The following TENM3 variants were observed in gnomAD, a reference collection of about 807,000 sequenced individuals.
TENM3 encodes the protein teneurin transmembrane protein 3.
Under a neutral mutation model 255.1 loss-of-function variants are expected in TENM3, and 63 were observed. The ratio of observed to expected loss-of-function variants is 0.25; its 90% CI spans 0.20 to 0.30. TENM3 has a LOEUF of 0.30. Among genes scored for constraint, TENM3 ranks in the 10% least tolerant of loss-of-function variants. The probability of loss-of-function intolerance (pLI) is 1.00; values close to 1 mark genes in which losing one functional copy is unlikely to be tolerated. For missense variants in TENM3, 2,929 were observed against 3,461.1 expected, an observed-to-expected ratio of 0.85 and a Z score of 3.86; for synonymous variants, 1,306 against 1,322.3, an observed-to-expected ratio of 0.99 and a Z score of 0.27.
In TENM3 at chr4:182,380,315, G is replaced by C. The variant is rs559404676; in HGVS notation, c.511+33386G>C. On this transcript the variant is annotated intron_variant, in intron 3 of 27. Coordinates refer to ENST00000511685, the MANE Select transcript of TENM3 (RefSeq NM_001080477.4). ...ACAAAAACAAAAAAGAACTAGTGCA[G>C]CCATTCCCCTAAGAGCTAGTTAAGC... is the stretch of plus-strand genomic sequence containing the variant. 2.6e-5 allele frequency among the ~76,000 whole-genome samples: 4 copies of C among 152,130 alleles called. No individual in the cohort carries two copies. In the East Asian group the frequency reaches 7.8e-4, roughly 29 times the overall value.
At chr4:181,537,011 A>G in the TENM3 span, among the ~76,000 whole-genome samples, 3 of 152,194 alleles carry the variant, frequency 2.0e-5, no homozygotes, top group Non-Finnish European at 4.4e-5. Flanking sequence ...ATAAAGTAAG[A>G]CTTCCCTTTA....
chr4:181,937,682 G>A, the TENM3 span, among the ~76,000 whole-genome samples: 7 of 152,170 alleles, frequency 4.6e-5, no homozygotes, highest in Admixed American at 3.3e-4. Context: ...TACAAAAGCT[G>A]AGAACTTTCT....
chr4:181,696,502 T>C, the TENM3 span, among the ~76,000 whole-genome samples: 1 of 152,210 alleles, frequency 6.6e-6, no homozygotes, highest in Non-Finnish European at 1.5e-5. Context: ...CCCACTTTAA[T>C]AGCACCGCAG....
Position 182,680,592 on chromosome 4 carries a change from C to T in TENM3, c.1689C>T (p.Arg563=), listed in dbSNP as rs1473178207. The T allele has an allele frequency of 1.2e-6, 2 of 1,613,830 alleles. No homozygotes were observed. Among genetic ancestry groups the T allele is most frequent in the Non-Finnish European group, 1.7e-6 (2 of 1,179,858 alleles). The change falls in exon 10 of 28, where the codon CGC becomes CGT. Residue 563 remains arginine, a synonymous_variant. Coordinates refer to ENST00000511685, the MANE Select transcript of TENM3 (RefSeq NM_001080477.4). ...GCAACGGGCAGTACTCCAAGGGCCG[C>T]TGCCTGTGTTTCAGCGGCTGGAAGG... The part of the protein sequence containing the change: ...CSGNGQYSKG[R]CLCFSGWKGT...
chr4:182,791,185 T>C (rs1766077198), intron 25 of TENM3, among the ~76,000 whole-genome samples: 1 of 152,218 alleles, frequency 6.6e-6, no homozygotes, highest in South Asian at 2.1e-4. Context: ...TCTCAGGACA[T>C]TTACTACACA....
chr4:181,648,918 G>A, the TENM3 span, among the ~76,000 whole-genome samples: 26 of 152,128 alleles, frequency 1.7e-4, no homozygotes, highest in Non-Finnish European at 2.9e-4. Context: ...AGGACAATGC[G>A]GTGATTATAA....
At chr4:181,640,054 CAGACAGCACTCACCAAAAGGAGAAGCTGA>C in the TENM3 span, among the ~76,000 whole-genome samples, 1 of 152,166 alleles carries the variant, frequency 6.6e-6, no homozygotes, top group South Asian at 2.1e-4. Context: ...TGGTGGTACA[CAGACAGCACTCACCAAAAGGAGAAGCTGA>C]AGACAGTTGA....
At position 182,754,794 on chromosome 4, in the gene TENM3, C is replaced by T; in HGVS notation, c.4427C>T (p.Ser1476Phe). Reference protein sequence around the residue: ...AKDAKLSAPSSLAASPDGTLY... With the variant: ...AKDAKLSAPSFLAASPDGTLY... Reference sequence around the variant, plus strand: ...GATGCCAAACTCAGTGCCCCATCCTCCCTGGCTGCTTCTCCAGATGGTACA... The same window carrying T: ...GATGCCAAACTCAGTGCCCCATCCTTCCTGGCTGCTTCTCCAGATGGTACA... Residue 1476 changes from serine to phenylalanine, a missense_variant, in exon 22 of 28, where the codon TCC becomes TTC. Physicochemically the swap from Ser to Phe is radical, Grantham distance 155. Coordinates refer to ENST00000511685, the MANE Select transcript of TENM3 (RefSeq NM_001080477.4). This position sits in a 1 kb window ranked among gnomAD's most constrained non-coding sequence, Gnocchi z 5.1. 6.2e-7 allele frequency: 1 copy of T among 1,614,072 alleles called. No individual in the cohort carries two copies. Among genetic ancestry groups the T allele is most frequent in the Non-Finnish European group, 8.5e-7 (1 of 1,179,900 alleles).
At chr4:181,530,695 G>A in the TENM3 span, among the ~76,000 whole-genome samples, 1 of 152,102 alleles carries the variant, frequency 6.6e-6, no homozygotes, top group Non-Finnish European at 1.5e-5. Flanking sequence ...CTCCAAACAG[G>A]CATAGCCATA....
chr4:182,681,750 CT>C (rs1756194806), intron 10 of TENM3, 63 bp from the exon 11 acceptor site: 1 of 1,179,476 alleles, frequency 8.5e-7, no homozygotes, highest in Non-Finnish European at 1.2e-6. Flanking sequence ...GGATTTAATT[CT>C]TTTTTCTGCA....
chr4:182,645,481 G>A (rs1364720908), intron 5 of TENM3, among the ~76,000 whole-genome samples: 1 of 152,270 alleles, frequency 6.6e-6, no homozygotes, highest in East Asian at 1.9e-4. Context: ...GGCAGGTTAT[G>A]AAGTGGTAAA....
the TENM3 span, among the ~76,000 whole-genome samples, chr4:181,778,492 T>C: frequency 1.3e-5 from 2 of 151,944 alleles, no homozygotes; most frequent in African/African-American, 4.8e-5. Context: ...AATGAAAAGG[T>C]TTTCTGGTGT....
At chr4:181,957,339 C>A in the TENM3 span, among the ~76,000 whole-genome samples, 16 of 152,178 alleles carry the variant, frequency 1.1e-4, no homozygotes, top group African/African-American at 3.4e-4. Flanking sequence ...TAGCCCATAG[C>A]TTGCATTCCT....
chr4:181,525,680 T>C, the TENM3 span, among the ~76,000 whole-genome samples: 3 of 152,216 alleles, frequency 2.0e-5, no homozygotes, highest in Admixed American at 1.3e-4. Flanking sequence ...AATGTTTCTA[T>C]TGTATAGACA....
the TENM3 span, among the ~76,000 whole-genome samples, chr4:182,096,187 A>G: frequency 6.6e-5 from 10 of 152,148 alleles, no homozygotes; most frequent in Non-Finnish European, 1.2e-4. Flanking sequence ...ATATCAAAGA[A>G]GCTATCAATC....
the TENM3 span, among the ~76,000 whole-genome samples, chr4:181,685,603 T>A: frequency 6.6e-6 from 1 of 152,146 alleles, no homozygotes; most frequent in Non-Finnish European, 1.5e-5. Flanking sequence ...CAGAGAGCAT[T>A]GCGTGAAAAG....
chr4:182,427,523 A>C (rs1246765288), intron 3 of TENM3, among the ~76,000 whole-genome samples: 1 of 152,186 alleles, frequency 6.6e-6, no homozygotes. Flanking sequence ...AATTTACTGA[A>C]AAATGCTCTC....
chr4:182,119,710 C>T, the TENM3 span, among the ~76,000 whole-genome samples: 1 of 151,952 alleles, frequency 6.6e-6, no homozygotes, highest in Admixed American at 6.6e-5. Context: ...AAAAAACACA[C>T]AGTTTATTTC....
chr4:182,612,816 T>A (rs1211289083), intron 4 of TENM3, among the ~76,000 whole-genome samples: 3 of 152,174 alleles, frequency 2.0e-5, no homozygotes, highest in Non-Finnish European at 4.4e-5. Context: ...TCTTGGCACA[T>A]GGCAAATAGT....
Sources: allele counts gnomAD v4.1 joint callset (sites outside exome capture counted in the v4.1 genomes callset), GRCh38; gene constraint gnomAD v4.1.1; non-coding constraint Gnocchi (gnomAD v3.1); transcripts MANE v1.5; gene names NCBI Gene and HGNC (gene_info 2026-07-23, HGNC 2026-07-21).